Variants in INTS6 observed in about 807,000 individuals in gnomAD.
INTS6 encodes integrator complex subunit 6, also known as DEAD box protein.
Under a neutral mutation model 104.9 loss-of-function variants are expected in INTS6, and 16 were observed. The observed-to-expected ratio is 0.15, with a 90% confidence interval of 0.10 to 0.23. The LOEUF (loss-of-function observed/expected upper bound fraction) is 0.23, where lower values mean the gene tolerates loss of function less well. INTS6 is among the 10% of genes least tolerant of loss of function. INTS6 has a pLI of 1.00. For synonymous variants in INTS6, 324 were observed against 358.7 expected, an observed-to-expected ratio of 0.90 and a Z score of 1.09; for missense variants, 584 against 1,062.8, an observed-to-expected ratio of 0.55 and a Z score of 6.26.
intron 4 of INTS6, among the ~76,000 whole-genome samples, chr13:51,416,689 T>G (rs1160981355): frequency 6.6e-6 from 1 of 152,230 alleles, no homozygotes; most frequent in African/African-American, 2.4e-5. Flanking sequence ...TGATGTTCAC[T>G]TACAGGTTTT....
Position 51,429,785 on chromosome 13 carries a change from A to AATAT in INTS6, c.429+505_429+508dup, listed in dbSNP as rs201277531. ...TCTCAAAAAAAAAAAAAAAAAAAAA[A>AATAT]ATATATATATATATATATATATATG... On this transcript the variant is annotated intron_variant, in intron 4 of 17. Transcript: ENST00000311234. Among the ~76,000 whole-genome samples the AATAT allele has an allele frequency of 1.0e-3, 95 of 92,348 alleles. 2 individuals carry two copies. Among genetic ancestry groups the AATAT allele is most frequent in the East Asian group, 2.3e-3 (7 of 3,042 alleles). The allele number at this position is 92,348 out of a possible 152,430, so 60.6% of individuals were successfully genotyped here.
At chr13:51,384,987 C>A in intron 7 of INTS6, 1 of 205,172 alleles carries the variant, frequency 4.9e-6, no homozygotes, top group South Asian at 7.5e-5. Context: ...TAAAACTGTT[C>A]GGTAAAAGTA....
chr13:51,408,026 A>T lies in INTS6; in HGVS notation c.430-12543T>A, dbSNP rs540264232. Among the ~76,000 whole-genome samples, 3 of 152,038 alleles carry T rather than the reference A, an allele frequency of 2.0e-5. No homozygotes were observed. The South Asian group carries it at 6.2e-4, about 32-fold the overall frequency. On this transcript the variant is annotated intron_variant, in intron 4 of 17. Coordinates refer to ENST00000311234, the MANE Select transcript of INTS6 (RefSeq NM_012141.3). ...AGTGAGACTCGGTCTCAAAAAAAAA[A>T]AAAAAAGTACAATAACATTTTCAAT...
intron 3 of INTS6, chr13:51,437,291 C>G (rs1346936020): frequency 6.6e-6 from 1 of 152,164 alleles, no homozygotes; most frequent in African/African-American, 2.4e-5. Context: ...GCTACAAAAT[C>G]TACAGATGCT....
chr13:51,406,899 A>AT (rs562144778), intron 4 of INTS6, among the ~76,000 whole-genome samples: 5,403 of 135,850 alleles, frequency 0.04, 114 homozygotes, highest in South Asian at 0.068. Context: ...TTTTTTTGTG[A>AT]TTTTTTTTTT....
At chr13:51,444,252 A>ATTTTTTTTT (rs57566246) in intron 3 of INTS6, 6 of 54,412 alleles carry the variant, frequency 1.1e-4, no homozygotes, top group African/African-American at 5.6e-4. Context: ...CCCCCAGCTA[A>ATTTTTTTTT]TTTTTTTTTT....
At chr13:51,408,396 T>C (rs1435109386) in intron 4 of INTS6, among the ~76,000 whole-genome samples, 29 of 152,102 alleles carry the variant, frequency 1.9e-4, no homozygotes, top group Admixed American at 1.9e-3. Context: ...CCACCCTCCT[T>C]GGTGTCCCAA....
the INTS6 span, among the ~76,000 whole-genome samples, chr13:51,342,119 T>G: frequency 7.5e-6 from 1 of 134,182 alleles, no homozygotes; most frequent in Non-Finnish European, 1.5e-5. Context: ...AAACAGATAC[T>G]CACACACATT....
At chr13:51,408,380 G>A (rs925491379) in intron 4 of INTS6, among the ~76,000 whole-genome samples, 1 of 152,008 alleles carries the variant, frequency 6.6e-6, no homozygotes, top group Non-Finnish European at 1.5e-5. Context: ...CCTGACCTCA[G>A]GTGATCCACC....
intron 4 of INTS6, among the ~76,000 whole-genome samples, chr13:51,429,785 A>AAAAAAAAAAAAAAAAAATATATATAT (rs1156333077): frequency 1.1e-5 from 1 of 92,356 alleles, no homozygotes; most frequent in Non-Finnish European, 2.0e-5. Context: ...AAAAAAAAAA[A>AAAAAAAAAAAAAAAAAATATATATAT]ATATATATAT....
intron 3 of INTS6, chr13:51,441,732 T>C (rs750420570): frequency 2.6e-5 from 4 of 152,188 alleles, no homozygotes; most frequent in South Asian, 4.1e-4. Context: ...ATTAAATACT[T>C]ATGTATGTTA....
At chr13:51,370,047 C>G (rs1372209564) in intron 15 of INTS6, among the ~76,000 whole-genome samples, 2 of 152,306 alleles carry the variant, frequency 1.3e-5, no homozygotes, top group African/African-American at 4.8e-5. Context: ...TCCTCATTTC[C>G]TGTCCAAACT....
At chr13:51,373,554 C>T (rs1955856958) in intron 15 of INTS6, among the ~76,000 whole-genome samples, 1 of 152,168 alleles carries the variant, frequency 6.6e-6, no homozygotes, top group Non-Finnish European at 1.5e-5. Flanking sequence ...ACCTCATTCC[C>T]AACACCCTTG....
chr13:51,451,970 G>T lies in INTS6; in HGVS notation c.189+8C>A, dbSNP rs765596130. 6.2e-7 allele frequency: 1 copy of T among 1,604,870 alleles called. No homozygotes were observed. The highest frequency in any genetic ancestry group is 8.5e-7 in the Non-Finnish European group (1 of 1,173,788). On this transcript the variant is annotated splice_region_variant and intron_variant, in intron 2 of 17. Transcript: ENST00000311234. ...AAGGGAGGAAAGGGGGAGGGCGAGG[G>T]CTGTTACCTTGATAGCATAGGGCGG...
rs149924575 is a variant in INTS6 at position 51,367,840 on chromosome 13, T to G, written c.2535A>C (p.Leu845=). The G allele has an allele frequency of 4.4e-6, 7 of 1,594,028 alleles. No homozygotes were observed. Among genetic ancestry groups the G allele is most frequent in the Admixed American group, 1.8e-5 (1 of 56,814 alleles). The change falls in exon 17 of 18, where the codon CTA becomes CTC. Residue 845 remains leucine, a synonymous_variant. Transcript: ENST00000311234. Reference sequence around the variant, plus strand: ...CTTTAATGACATTTTGTAAAAATATTAGTCTTGTTTGTAAACTGCCTTGCA... The same window carrying G: ...CTTTAATGACATTTTGTAAAAATATGAGTCTTGTTTGTAAACTGCCTTGCA... ...KHVQGSLQTR[L]IFLQNVIKEA... is the part of the protein sequence containing the mutation.
At chr13:51,348,168 C>A in the INTS6 span, 1 of 1,460,540 alleles carries the variant, frequency 6.8e-7, no homozygotes, top group Non-Finnish European at 9.3e-7. Context: ...GTTCATTCTC[C>A]TGGCTCCTGG....
chr13:51,354,723 G>T (rs1028930211), intron 3 of INTS6, among the ~76,000 whole-genome samples: 3 of 152,182 alleles, frequency 2.0e-5, no homozygotes, highest in African/African-American at 7.2e-5. Flanking sequence ...GGTATTAATG[G>T]GGCTTTAAGA....
At position 51,362,004 on chromosome 13, in the gene INTS6, T is replaced by C. The variant is rs201056902; in HGVS notation, c.*3748A>G. Reference sequence around the variant, plus strand: ...AAATAAGCATTCTTTCTAGCTGTTTTTATGGTGCTTCAGAAGCTACCCAGT... The same window carrying C: ...AAATAAGCATTCTTTCTAGCTGTTTCTATGGTGCTTCAGAAGCTACCCAGT... On this transcript the variant is annotated 3_prime_UTR_variant, in exon 18 of 18. Coordinates refer to ENST00000311234, the MANE Select transcript of INTS6 (RefSeq NM_012141.3). The C allele has an allele frequency of 6.8e-6, 11 of 1,609,560 alleles. No homozygotes were observed. The highest frequency in any genetic ancestry group is 9.3e-6 in the Non-Finnish European group (11 of 1,177,754).
At chr13:51,369,422 G>A (rs1296535290) in intron 15 of INTS6, 112 bp from the exon 16 acceptor site, 2 of 1,057,276 alleles carry the variant, frequency 1.9e-6, no homozygotes, top group Non-Finnish European at 2.7e-6. Context: ...CTTGACTAAT[G>A]CAAGTTAACA....
Sources: gnomAD v4.1 joint callset for allele counts (sites outside exome capture counted in the v4.1 genomes callset) on GRCh38, gnomAD v4.1.1 for gene constraint, MANE v1.5 for transcripts, NCBI Gene and HGNC (gene_info 2026-07-23, HGNC 2026-07-21) for gene names.